The following MAD1L1 variants were observed in gnomAD, a reference collection of about 807,000 sequenced individuals.
The protein encoded by MAD1L1 is mitotic arrest deficient 1 like 1, also known as mitotic spindle assembly checkpoint protein MAD1.
In MAD1L1, 95 loss-of-function variants were observed where a neutral mutation model predicts 96.9. The ratio of observed to expected loss-of-function variants is 0.98; its 90% confidence interval spans 0.83 to 1.16. The LOEUF is 1.16. MAD1L1 is among the 50% of genes most tolerant of loss of function. The pLI, the probability that MAD1L1 is intolerant of heterozygous loss-of-function variation, is 0.00. For synonymous variants in MAD1L1, 473 were observed against 396.6 expected, an observed-to-expected ratio of 1.19 and a Z score of -2.29; for missense variants, 1,007 against 954.4, an observed-to-expected ratio of 1.06 and a Z score of -0.73.
chr7:2,112,669 C>T (rs1787441383), intron 11 of MAD1L1, among the ~76,000 whole-genome samples: 1 of 152,152 alleles, frequency 6.6e-6, no homozygotes, highest in Admixed American at 6.5e-5. Context: ...TGGATGGAGC[C>T]AGTGTCAGGG....
chr7:1,944,793 C>G (rs560325375), intron 16 of MAD1L1, among the ~76,000 whole-genome samples: 1 of 152,214 alleles, frequency 6.6e-6, no homozygotes, highest in African/African-American at 2.4e-5. Context: ...GTCTGCAGGA[C>G]CAGGTGACGT....
At chr7:1,856,702 G>A (rs191635633) in intron 18 of MAD1L1, among the ~76,000 whole-genome samples, 110 of 152,174 alleles carry the variant, frequency 7.2e-4, no homozygotes, top group Non-Finnish European at 1.2e-3. Context: ...GCATAGCCCC[G>A]CCGCGCTCCA....
At chr7:2,029,556 A>G (rs1255050623) in intron 12 of MAD1L1, among the ~76,000 whole-genome samples, 2 of 152,198 alleles carry the variant, frequency 1.3e-5, no homozygotes, top group Non-Finnish European at 2.9e-5. Context: ...GCTCTAATAA[A>G]AAGATTAAAA....
chr7:1,852,320 T>G (rs1027234193), intron 18 of MAD1L1, among the ~76,000 whole-genome samples: 5 of 152,192 alleles, frequency 3.3e-5, no homozygotes, highest in South Asian at 4.1e-4. Flanking sequence ...TGGAGCTCAC[T>G]GGGTTTCCCG....
At chr7:2,097,577 C>A (rs1274417443) in intron 11 of MAD1L1, among the ~76,000 whole-genome samples, 1 of 152,186 alleles carries the variant, frequency 6.6e-6, no homozygotes, top group Non-Finnish European at 1.5e-5. Context: ...GTGCTTCTCA[C>A]ACCTAGAGAA....
chr7:2,141,571 G>A (rs1789033234), intron 11 of MAD1L1, among the ~76,000 whole-genome samples: 1 of 152,210 alleles, frequency 6.6e-6, no homozygotes, highest in Admixed American at 6.5e-5. Flanking sequence ...ACCGCATGAG[G>A]GAGGGAGGCC....
At chr7:2,120,488 G>A (rs777227094) in intron 11 of MAD1L1, among the ~76,000 whole-genome samples, 7 of 152,198 alleles carry the variant, frequency 4.6e-5, no homozygotes, top group Non-Finnish European at 8.8e-5. Context: ...CCAGAGCCTG[G>A]CACAGGGAGG....
At chr7:1,821,953 A>G (rs1219717530) in intron 18 of MAD1L1, among the ~76,000 whole-genome samples, 1 of 152,154 alleles carries the variant, frequency 6.6e-6, no homozygotes, top group Non-Finnish European at 1.5e-5. Flanking sequence ...AAGCAGCAGC[A>G]TAGGGATTGG....
intron 12 of MAD1L1, among the ~76,000 whole-genome samples, chr7:2,039,152 G>A (rs950036374): frequency 2.2e-4 from 34 of 152,162 alleles, no homozygotes; most frequent in African/African-American, 7.2e-4. Flanking sequence ...TGGGCTCTTC[G>A]CTCCGCTAAA....
intron 11 of MAD1L1, chr7:2,089,146 G>T (rs1462722380): frequency 2.0e-5 from 3 of 152,280 alleles, no homozygotes; most frequent in Non-Finnish European, 4.4e-5. Context: ...CAAGGAGAAG[G>T]CAGCCACGGA....
intron 18 of MAD1L1, among the ~76,000 whole-genome samples, chr7:1,839,753 G>A (rs1049845882): frequency 6.6e-6 from 1 of 150,968 alleles, no homozygotes; most frequent in Non-Finnish European, 1.5e-5. Context: ...CCTCCCCCCG[G>A]CTCCCAGGGC....
intron 18 of MAD1L1, among the ~76,000 whole-genome samples, chr7:1,875,030 G>A (rs985460530): frequency 6.6e-6 from 1 of 152,150 alleles, no homozygotes; most frequent in Non-Finnish European, 1.5e-5. Context: ...GGGCAGGCTG[G>A]GCAGGTACAA....
At chr7:1,942,242 T>G (rs1352151134) in intron 16 of MAD1L1, among the ~76,000 whole-genome samples, 1 of 151,844 alleles carries the variant, frequency 6.6e-6, no homozygotes, top group Non-Finnish European at 1.5e-5. Context: ...GGGCCAACAC[T>G]CAGCAAGTGG....
At chr7:2,200,599 G>C (rs1792238238) in intron 10 of MAD1L1, 1 of 152,340 alleles carries the variant, frequency 6.6e-6, no homozygotes, top group Non-Finnish European at 1.5e-5. Context: ...AGCCAGGAAA[G>C]TCAGATCACT....
chr7:2,091,791 G>T (rs1254893230), intron 11 of MAD1L1, among the ~76,000 whole-genome samples: 1 of 145,560 alleles, frequency 6.9e-6, no homozygotes, highest in Non-Finnish European at 1.5e-5. Flanking sequence ...AAAAAAAAAA[G>T]ATTCATCTAT....
chr7:1,863,578 C>A (rs376177744), intron 18 of MAD1L1, among the ~76,000 whole-genome samples: 1 of 152,358 alleles, frequency 6.6e-6, no homozygotes, highest in South Asian at 2.1e-4. Flanking sequence ...ATCTCACCCC[C>A]AGACCCAGGA....
At chr7:1,816,459 T>G (rs1396585781) in intron 18 of MAD1L1, among the ~76,000 whole-genome samples, 2 of 152,138 alleles carry the variant, frequency 1.3e-5, no homozygotes, top group Non-Finnish European at 2.9e-5. Context: ...ACCCAGGCAG[T>G]TGGGGGTCCC....
chr7:2,115,909 G>T (rs1474189952), intron 11 of MAD1L1, among the ~76,000 whole-genome samples: 1 of 152,224 alleles, frequency 6.6e-6, no homozygotes, highest in African/African-American at 2.4e-5. Flanking sequence ...TCCTGCCCCA[G>T]GCCCACACCC....
In MAD1L1 at chr7:2,219,467, AG is replaced by A. The variant is rs1258144725; in HGVS notation, c.472-12del. The stretch of plus-strand genomic sequence containing the variant: ...CAGTGCGTTGATGGTCTAAAAGTAG[AG>A]GGGACCAGAGAGCCGCTCAGTGAGT... On this transcript the variant is annotated splice_polypyrimidine_tract_variant and intron_variant, in intron 5 of 18. Coordinates refer to ENST00000265854, the MANE Select transcript of MAD1L1 (RefSeq NM_001013836.2). 1.2e-6 allele frequency: 2 copies of A among 1,612,334 alleles called. No homozygotes were observed. The highest frequency in any genetic ancestry group is 1.1e-5 in the South Asian group (1 of 90,910).
Sources: gnomAD v4.1 joint callset for allele counts (sites outside exome capture counted in the v4.1 genomes callset) on GRCh38, gnomAD v4.1.1 for gene constraint, MANE v1.5 for transcripts, NCBI Gene and HGNC (gene_info 2026-07-23, HGNC 2026-07-21) for gene names.